UBR3: variants seen among roughly 807,000 people sequenced by gnomAD.
The protein encoded by UBR3 is ubiquitin protein ligase E3 component n-recognin 3.
A neutral mutation model predicts 243.2 loss-of-function variants in UBR3; 85 were observed. The observed-to-expected ratio is 0.35, with a 90% CI of 0.29 to 0.42. UBR3 has a LOEUF of 0.42. Ranked by LOEUF, UBR3 falls within the 10% of genes least tolerant of loss-of-function variation. The pLI is 1.00. For missense variants in UBR3, 1,686 were observed against 2,300.8 expected, an observed-to-expected ratio of 0.73 and a Z score of 5.47; for synonymous variants, 748 against 799.8, an observed-to-expected ratio of 0.94 and a Z score of 1.09.
intron 10 of UBR3, among the ~76,000 whole-genome samples, chr2:169,910,146 G>T (rs149062836): frequency 6.6e-6 from 1 of 152,106 alleles, no homozygotes; most frequent in Non-Finnish European, 1.5e-5. Context: ...TGCTCAAAAA[G>T]TAAGTCTGGA....
chr2:169,971,814 A>G (rs1306066648), intron 24 of UBR3, among the ~76,000 whole-genome samples: 1 of 152,202 alleles, frequency 6.6e-6, no homozygotes, highest in Non-Finnish European at 1.5e-5. Context: ...AGAAAGCAGG[A>G]AAGATCCAAA....
chr2:169,898,787 T>C (rs1419852966), intron 8 of UBR3, among the ~76,000 whole-genome samples: 4 of 148,124 alleles, frequency 2.7e-5, no homozygotes, highest in African/African-American at 1.0e-4. Flanking sequence ...CTGCAAGCTC[T>C]GCCTCCCAGG....
intron 24 of UBR3, among the ~76,000 whole-genome samples, chr2:169,963,540 G>A (rs542606410): frequency 2.6e-5 from 4 of 151,638 alleles, no homozygotes; most frequent in Non-Finnish European, 4.4e-5. Context: ...AAAAGAATGC[G>A]GGACAAAAGC....
intron 11 of UBR3, among the ~76,000 whole-genome samples, chr2:169,914,718 A>AT (rs2085384371): frequency 6.6e-6 from 1 of 152,210 alleles, no homozygotes; most frequent in South Asian, 2.1e-4. Flanking sequence ...GGGTCAGAAT[A>AT]TGCCATATGC....
intron 8 of UBR3, among the ~76,000 whole-genome samples, chr2:169,898,429 A>G (rs184774366): frequency 4.6e-4 from 70 of 152,274 alleles, no homozygotes; most frequent in African/African-American, 1.6e-3. Flanking sequence ...TATATGCATT[A>G]TATCACTTAA....
At chr2:170,080,714 T>A in intron 38 of UBR3, 30 bp downstream of exon 38, 1 of 1,597,392 alleles carries the variant, frequency 6.3e-7, no homozygotes, top group Non-Finnish European at 8.5e-7. Context: ...ATCCAGGTGT[T>A]TTATTGAAAT....
In UBR3 at chr2:169,909,759, CTT is replaced by C. The variant is rs561388778; in HGVS notation, c.1779+3596_1779+3597del. ...TGTGTGTGTATATATATATATATATCTTGAAACATCACATTGTACCCCATAAA... is the reference window on the plus strand; with the variant it reads ...TGTGTGTGTATATATATATATATATCGAAACATCACATTGTACCCCATAAA... On this transcript the variant is annotated intron_variant, in intron 10 of 38. Transcript: ENST00000272793. Among the ~76,000 whole-genome samples, 845 of 134,840 alleles carry C rather than the reference CTT, an allele frequency of 6.3e-3. 7 individuals carry two copies. The highest frequency in any genetic ancestry group is 0.022 in the African/African-American group (797 of 36,802). 88.5% of individuals were successfully genotyped at this position (134,840 alleles called of 152,430 possible).
intron 31 of UBR3, among the ~76,000 whole-genome samples, chr2:170,034,712 T>C (rs1023671096): frequency 5.3e-5 from 8 of 151,754 alleles, no homozygotes; most frequent in African/African-American, 1.9e-4. Flanking sequence ...CTGGATCATA[T>C]AGTAATAGCA....
chr2:170,077,237 A>C, intron 36 of UBR3: 1 of 727,818 alleles, frequency 1.4e-6, no homozygotes, highest in Non-Finnish European at 2.6e-6. Context: ...GACCAGTAAG[A>C]CTGCATTTAT....
intron 8 of UBR3, among the ~76,000 whole-genome samples, chr2:169,900,490 A>G (rs1248155382): frequency 6.6e-6 from 1 of 152,156 alleles, no homozygotes; most frequent in African/African-American, 2.4e-5. Flanking sequence ...GAAGCTCTTT[A>G]GTTTAATTAG....
In UBR3 at chr2:169,994,465, T is replaced by G. The variant is rs1331389301; in HGVS notation, c.3918+9T>G. The G allele has an allele frequency of 5.0e-6, 8 of 1,610,226 alleles. No individual in the cohort carries two copies. Among genetic ancestry groups the G allele is most frequent in the Non-Finnish European group, 6.8e-6 (8 of 1,177,334 alleles). On this transcript the variant is annotated intron_variant, in intron 26 of 38. Coordinates refer to ENST00000272793, the MANE Select transcript of UBR3 (RefSeq NM_172070.4). ...AGCGTTATTTTAAGGATGTAAGTAC[T>G]CTTTATAAAATAGTACTTTTGTCTG...
intron 26 of UBR3, among the ~76,000 whole-genome samples, chr2:169,996,561 A>G (rs2089484340): frequency 6.6e-6 from 1 of 151,780 alleles, no homozygotes; most frequent in South Asian, 2.1e-4. Context: ...GCTTCCGTAT[A>G]TTTTCAGAGA....
chr2:169,960,757 T>C (rs2087534286), intron 24 of UBR3, among the ~76,000 whole-genome samples: 1 of 152,124 alleles, frequency 6.6e-6, no homozygotes, highest in South Asian at 2.1e-4. Flanking sequence ...TGCTGACATT[T>C]TGTTTTGCAG....
At chr2:170,015,463 GT>G (rs2090208641) in intron 30 of UBR3, 97 bp downstream of exon 30, 4 of 920,864 alleles carry the variant, frequency 4.3e-6, no homozygotes, top group Non-Finnish European at 6.7e-6. Context: ...AATTTTGTCT[GT>G]TATATATGAT....
intron 1 of UBR3, among the ~76,000 whole-genome samples, chr2:169,863,366 G>A (rs1009303544): frequency 1.3e-5 from 2 of 152,092 alleles, no homozygotes; most frequent in African/African-American, 4.8e-5. Context: ...ATTTGTTATC[G>A]GTTATGCTTC....
At chr2:169,893,576 A>C (rs2084456722) in intron 6 of UBR3, among the ~76,000 whole-genome samples, 1 of 152,150 alleles carries the variant, frequency 6.6e-6, no homozygotes, top group African/African-American at 2.4e-5. Flanking sequence ...TTTTTTCAGC[A>C]CAGGGTCTCA....
intron 1 of UBR3, among the ~76,000 whole-genome samples, chr2:169,868,442 T>G (rs968051019): frequency 1.3e-5 from 2 of 152,184 alleles, no homozygotes; most frequent in African/African-American, 4.8e-5. Flanking sequence ...CTCCCGGGTT[T>G]AAGTGATTCT....
At chr2:170,045,312 C>G (rs1447133396) in intron 32 of UBR3, among the ~76,000 whole-genome samples, 1 of 152,126 alleles carries the variant, frequency 6.6e-6, no homozygotes, top group Non-Finnish European at 1.5e-5. Flanking sequence ...CCCACTGGGT[C>G]CCTCCCACAA....
chr2:169,957,376 G>A (rs1194901580), intron 23 of UBR3, among the ~76,000 whole-genome samples: 1 of 151,878 alleles, frequency 6.6e-6, no homozygotes, highest in Non-Finnish European at 1.5e-5. Flanking sequence ...GGAATACTAT[G>A]CAGCCATAAA....
Sources: gnomAD v4.1 joint callset for allele counts (sites outside exome capture counted in the v4.1 genomes callset) on GRCh38, gnomAD v4.1.1 for gene constraint, MANE v1.5 for transcripts, NCBI Gene and HGNC (gene_info 2026-07-23, HGNC 2026-07-21) for gene names.